ASCC3: variants seen among roughly 807,000 people sequenced by gnomAD.
ASCC3 encodes the protein activating signal cointegrator 1 complex subunit 3.
In ASCC3, 158 loss-of-function variants were observed where a neutral mutation model predicts 256.3. The ratio of observed to expected loss-of-function variants is 0.62; its 90% CI spans 0.54 to 0.70. ASCC3 has a LOEUF of 0.70. Ranked by LOEUF, ASCC3 falls within the 30% of genes least tolerant of loss-of-function variation. The pLI is 0.00. For missense variants in ASCC3, 2,259 were observed against 2,626.0 expected (o/e 0.86, Z 3.05); for synonymous variants, 948 against 883.4 (o/e 1.07, Z -1.30).
chr6:100,530,571 A>G, intron 37 of ASCC3: 1 of 786,106 alleles, frequency 1.3e-6, no homozygotes, highest in East Asian at 2.4e-5. Context: ...CAATCCAGCC[A>G]GCATTAGTGT....
intron 8 of ASCC3, among the ~76,000 whole-genome samples, chr6:100,796,145 A>G (rs1283234248): frequency 1.3e-5 from 2 of 152,234 alleles, no homozygotes; most frequent in African/African-American, 2.4e-5. Flanking sequence ...TACAAATAAT[A>G]CATAAAAATA....
chr6:100,770,109 C>T (rs986864763), intron 8 of ASCC3, among the ~76,000 whole-genome samples: 2 of 151,884 alleles, frequency 1.3e-5, no homozygotes, highest in African/African-American at 4.8e-5. Flanking sequence ...GAAGCTAGCA[C>T]TGCCCCAATA....
intron 8 of ASCC3, among the ~76,000 whole-genome samples, chr6:100,795,101 G>T (rs1769542549): frequency 6.6e-6 from 1 of 152,048 alleles, no homozygotes; most frequent in Non-Finnish European, 1.5e-5. Context: ...ACATCACAGG[G>T]AAAGGAATTG....
intron 13 of ASCC3, among the ~76,000 whole-genome samples, chr6:100,714,322 ATTTC>A (rs1055267245): frequency 6.6e-6 from 1 of 152,150 alleles, no homozygotes; most frequent in Admixed American, 6.6e-5. Flanking sequence ...GGCATTTTAT[ATTTC>A]TTTATTTTTA....
intron 13 of ASCC3, among the ~76,000 whole-genome samples, chr6:100,681,742 A>G (rs938439529): frequency 1.3e-5 from 2 of 151,146 alleles, no homozygotes; most frequent in Non-Finnish European, 3.0e-5. Context: ...AAAAAAAAAA[A>G]AAAAAGAAAA....
At chr6:100,694,474 G>C (rs1777987733) in intron 13 of ASCC3, among the ~76,000 whole-genome samples, 1 of 152,044 alleles carries the variant, frequency 6.6e-6, no homozygotes, top group Non-Finnish European at 1.5e-5. Context: ...ACAGAGGAAG[G>C]CTCAATCTCA....
At chr6:100,515,954 ATGT>A (rs1489494320) in intron 39 of ASCC3, among the ~76,000 whole-genome samples, 1 of 152,176 alleles carries the variant, frequency 6.6e-6, no homozygotes, top group African/African-American at 2.4e-5. Context: ...TTCTTACTCT[ATGT>A]CAAGAACTGT....
chr6:100,738,594 T>C (rs1780289424), intron 10 of ASCC3, among the ~76,000 whole-genome samples: 1 of 152,232 alleles, frequency 6.6e-6, no homozygotes, highest in African/African-American at 2.4e-5. Context: ...CTTCTATCAC[T>C]ACCATGCTGT....
intron 36 of ASCC3, among the ~76,000 whole-genome samples, chr6:100,564,758 G>A (rs374978826): frequency 2.4e-4 from 36 of 152,194 alleles, no homozygotes; most frequent in Middle Eastern, 3.4e-3. Flanking sequence ...ATGTAGAATA[G>A]TAATAGGTGT....
intron 36 of ASCC3, among the ~76,000 whole-genome samples, chr6:100,585,530 C>A (rs904728061): frequency 4.6e-4 from 70 of 152,106 alleles, no homozygotes; most frequent in African/African-American, 1.7e-3. Flanking sequence ...TTTGAATTTC[C>A]TCCTGTAGCT....
chr6:100,777,931 T>C (rs1025961253), intron 8 of ASCC3, among the ~76,000 whole-genome samples: 1 of 152,014 alleles, frequency 6.6e-6, no homozygotes, highest in Non-Finnish European at 1.5e-5. Flanking sequence ...CTGGCTACCA[T>C]GTGGAAAAAA....
chr6:100,579,838 A>C (rs1461273238), intron 36 of ASCC3, among the ~76,000 whole-genome samples: 1 of 152,094 alleles, frequency 6.6e-6, no homozygotes, highest in Non-Finnish European at 1.5e-5. Flanking sequence ...ATAAAGTTTG[A>C]ATAGTCTTTC....
chr6:100,728,982 A>T (rs919806925), intron 10 of ASCC3, among the ~76,000 whole-genome samples: 1 of 152,212 alleles, frequency 6.6e-6, no homozygotes, highest in African/African-American at 2.4e-5. Context: ...AAGAGAAAGC[A>T]CTAGACACAG....
At chr6:100,643,137 C>G (rs1415306017) in intron 23 of ASCC3, among the ~76,000 whole-genome samples, 1 of 151,816 alleles carries the variant, frequency 6.6e-6, no homozygotes, top group African/African-American at 2.4e-5. Flanking sequence ...AATGGAATAC[C>G]GCAATCACTT....
At chr6:100,794,155 T>C (rs922979267) in intron 8 of ASCC3, among the ~76,000 whole-genome samples, 8 of 152,094 alleles carry the variant, frequency 5.3e-5, no homozygotes, top group Non-Finnish European at 1.2e-4. Context: ...CCTTCAACTT[T>C]GTGTTGCAGC....
rs202031536 is a variant in ASCC3, at chr6:100,631,214, C to G, written c.4123-1G>C. 8.0e-5 allele frequency: 129 copies of G among 1,608,704 alleles called. No homozygotes were observed. The stretch of plus-strand genomic sequence containing the variant: ...CTTTTAGGGGTGCAATATATACCGC[C>G]TAAAAAGGGGAGAATAGCCAAAAAT... On this transcript the variant is annotated splice_acceptor_variant, in intron 25 of 41. Coordinates refer to ENST00000369162, the MANE Select transcript of ASCC3 (RefSeq NM_006828.4). LOFTEE classifies it high-confidence loss of function.
At chr6:100,821,770 G>A (rs1269525604) in intron 4 of ASCC3, among the ~76,000 whole-genome samples, 1 of 152,048 alleles carries the variant, frequency 6.6e-6, no homozygotes, top group African/African-American at 2.4e-5. Flanking sequence ...GTTGTAGTAA[G>A]CCAAGATTGT....
chr6:100,607,983 C>T (rs1267974806), intron 30 of ASCC3, among the ~76,000 whole-genome samples: 2 of 140,032 alleles, frequency 1.4e-5, no homozygotes, highest in Admixed American at 7.4e-5. Flanking sequence ...TATATATTAA[C>T]GATATTAACC....
intron 36 of ASCC3, among the ~76,000 whole-genome samples, chr6:100,542,018 G>T (rs542400777): frequency 2.6e-5 from 4 of 152,120 alleles, no homozygotes; most frequent in South Asian, 4.1e-4. Context: ...AGAGAAAAAA[G>T]AATTTAAAAA....
Sources: allele counts gnomAD v4.1 joint callset (sites outside exome capture counted in the v4.1 genomes callset), GRCh38; gene constraint gnomAD v4.1.1; transcripts MANE v1.5; gene names NCBI Gene and HGNC (gene_info 2026-07-23, HGNC 2026-07-21).